TRIM71: variants seen among roughly 807,000 people sequenced by gnomAD.
The protein encoded by TRIM71 is E3 ubiquitin-protein ligase TRIM71.
A neutral mutation model predicts 61.2 loss-of-function variants in TRIM71; 9 were observed. The ratio of observed to expected loss-of-function variants is 0.15; its 90% CI spans 0.09 to 0.26. TRIM71 has a LOEUF of 0.26. TRIM71 is among the 10% of genes least tolerant of loss of function. TRIM71 has a pLI of 1.00. For missense variants in TRIM71, 998 were observed against 1,238.7 expected (o/e 0.81, Z 2.92); for synonymous variants, 645 against 553.2 (o/e 1.17, Z -2.33).
chr3:32,833,688 T>A (rs1696301461), intron 1 of TRIM71, among the ~76,000 whole-genome samples: 1 of 151,792 alleles, frequency 6.6e-6, no homozygotes, highest in South Asian at 2.1e-4. Context: ...TATTTTTGGC[T>A]CAGGCTAAAG....
At chr3:32,861,466 C>A (rs1696667462) in intron 1 of TRIM71, among the ~76,000 whole-genome samples, 1 of 151,554 alleles carries the variant, frequency 6.6e-6, no homozygotes, top group Non-Finnish European at 1.5e-5. Flanking sequence ...GGCGCGGTGG[C>A]TCACGCCTGT....
At chr3:32,865,518 C>G (rs1409975128) in intron 1 of TRIM71, among the ~76,000 whole-genome samples, 1 of 152,152 alleles carries the variant, frequency 6.6e-6, no homozygotes, top group Non-Finnish European at 1.5e-5. Flanking sequence ...TCTGCCAAAA[C>G]TGGTCGAAGG....
chr3:32,837,058 T>C (rs1311126658), intron 1 of TRIM71, among the ~76,000 whole-genome samples: 1 of 152,022 alleles, frequency 6.6e-6, no homozygotes, highest in Non-Finnish European at 1.5e-5. Flanking sequence ...AAGAAATAAG[T>C]AGTCACTATA....
intron 2 of TRIM71, among the ~76,000 whole-genome samples, chr3:32,875,404 T>G (rs1187045860): frequency 2.6e-5 from 4 of 152,206 alleles, no homozygotes; most frequent in Non-Finnish European, 5.9e-5. Flanking sequence ...AATCAGAAAA[T>G]TGTGACTTTT....
chr3:32,897,389 T>C lies in TRIM71; in HGVS notation c.*5578T>C, dbSNP rs1697090442. On this transcript the variant is annotated 3_prime_UTR_variant, in exon 4 of 4. Coordinates refer to ENST00000383763, the MANE Select transcript of TRIM71 (RefSeq NM_001039111.3). ...TCCGGGGTGGGGTGCTGACTGCCAT[T>C]TGCCACTTTTAAATGGGCACTGCCG... 6.6e-6 allele frequency: 1 copy of C among 152,132 alleles called. No individual in the cohort carries two copies. The highest frequency in any genetic ancestry group is 2.4e-5 in the African/African-American group (1 of 41,406). The allele number at this position is 152,132 out of a possible 1,614,324, so 9.4% of individuals were successfully genotyped here. A position where few individuals can be genotyped will look rare whatever the true frequency, so the allele number is the denominator to read the frequency against.
intron 1 of TRIM71, among the ~76,000 whole-genome samples, chr3:32,848,297 A>G (rs770844394): frequency 6.6e-6 from 1 of 152,218 alleles, no homozygotes; most frequent in Non-Finnish European, 1.5e-5. Context: ...ACCCCAGGGT[A>G]GTGTGCATTT....
Position 32,818,561 on chromosome 3 carries a change from T to C in TRIM71, c.481T>C (p.Ser161Pro). The part of the protein sequence containing the change: ...HHAHHAHPRA[S>P]ASAPPLPQAP... Reference sequence around the variant, plus strand: ...CGCTCACCACGCGCACCCGCGCGCGTCCGCCTCCGCGCCGCCACTCCCGCA... The same window carrying C: ...CGCTCACCACGCGCACCCGCGCGCGCCCGCCTCCGCGCCGCCACTCCCGCA... The change falls in exon 1 of 4, where the codon TCC becomes CCC. Residue 161 changes from serine to proline, a missense_variant. Around this residue, in one of 5 missense-constraint regions of TRIM71, gnomAD observed 527 missense variants for 427.8 expected, o/e 1.23. Transcript: ENST00000383763. 7.9e-7 allele frequency: 1 copy of C among 1,261,252 alleles called. No homozygotes were observed. The highest frequency in any genetic ancestry group is 9.9e-7 in the Non-Finnish European group (1 of 1,010,960). 78.1% of individuals were successfully genotyped at this position (1,261,252 alleles called of 1,614,324 possible).
chr3:32,824,854 G>A (rs1176105314), intron 1 of TRIM71, among the ~76,000 whole-genome samples: 1 of 152,062 alleles, frequency 6.6e-6, no homozygotes, highest in African/African-American at 2.4e-5. Context: ...GAGTTCAGTG[G>A]CGCGATCTTG....
chr3:32,830,694 G>A (rs1696260811), intron 1 of TRIM71, among the ~76,000 whole-genome samples: 1 of 152,186 alleles, frequency 6.6e-6, no homozygotes. Flanking sequence ...AATGAGTTAT[G>A]CAAGTTGGGT....
At chr3:32,826,841 C>T (rs942091613) in intron 1 of TRIM71, among the ~76,000 whole-genome samples, 5 of 152,022 alleles carry the variant, frequency 3.3e-5, no homozygotes, top group African/African-American at 4.8e-5. Context: ...CAGCTCACTG[C>T]AAGCTCTGCC....
chr3:32,859,521 G>A (rs1424884685), intron 1 of TRIM71, among the ~76,000 whole-genome samples: 1 of 152,220 alleles, frequency 6.6e-6, no homozygotes, highest in Non-Finnish European at 1.5e-5. Flanking sequence ...GCCTGCCAAA[G>A]TGTTGAGATT....
rs1000244178 is a variant in TRIM71 at position 32,892,644 on chromosome 3, C to T, written c.*833C>T. The T allele has an allele frequency of 6.6e-6, 1 of 152,086 alleles. No homozygotes were observed. Among genetic ancestry groups the T allele is most frequent in the Admixed American group, 6.5e-5 (1 of 15,282 alleles). The allele number at this position is 152,086 out of a possible 1,614,324, so 9.4% of individuals were successfully genotyped here. The stretch of plus-strand genomic sequence containing the variant: ...AAGCTGAAAATGACACACTGCCTCC[C>T]AAAGAACCTCTCCTTTTCACACTTT... On this transcript the variant is annotated 3_prime_UTR_variant, in exon 4 of 4. Coordinates refer to ENST00000383763, the MANE Select transcript of TRIM71 (RefSeq NM_001039111.3).
intron 1 of TRIM71, among the ~76,000 whole-genome samples, chr3:32,846,654 A>T (rs1057307070): frequency 6.4e-5 from 1 of 15,640 alleles, no homozygotes; most frequent in Non-Finnish European, 1.3e-4. Flanking sequence ...CCCTGCACCC[A>T]CCCCTGTCCC....
rs1697016630 is a variant in TRIM71, at chr3:32,890,808, T to C, written c.1604T>C (p.Leu535Pro). Reference protein sequence around the residue: ...SAVVLGPDGNLFGAEVSDQQN... With the variant: ...SAVVLGPDGNPFGAEVSDQQN... ...GTGGTCCTGGGCCCTGATGGCAACC[T>C]GTTTGGTGCAGAGGTGAGTGATCAG... is the stretch of plus-strand genomic sequence containing the variant. The change falls in exon 4 of 4, where the codon CTG becomes CCG. Residue 535 changes from leucine to proline, a missense_variant. Physicochemically the swap from Leu to Pro is moderately conservative, Grantham distance 98. Transcript: ENST00000383763. This position sits in a 1 kb window ranked among gnomAD's most constrained non-coding sequence, Gnocchi z 6.2. 4.3e-6 allele frequency: 7 copies of C among 1,614,164 alleles called. No individual in the cohort carries two copies. The highest frequency in any genetic ancestry group is 5.9e-6 in the Non-Finnish European group (7 of 1,180,036).
chr3:32,818,307 C>G lies in TRIM71; in HGVS notation c.227C>G (p.Pro76Arg), dbSNP rs992161563. The G allele has an allele frequency of 2.8e-6, 4 of 1,432,954 alleles. No individual in the cohort carries two copies. In the African/African-American group the frequency reaches 6.0e-5, roughly 21 times the overall value. 88.8% of individuals were successfully genotyped at this position (1,432,954 alleles called of 1,614,324 possible). A position where few individuals can be genotyped will look rare whatever the true frequency, so the allele number is the denominator to read the frequency against. ...CCCTGCCTCGAGGCGCACCGGCTGC[C>G]GGCGGCGGGCGGCGGCGCGGCGGGA... Reference protein sequence around the residue: ...CRPCLEAHRLPAAGGGAAGEP... With the variant: ...CRPCLEAHRLRAAGGGAAGEP... The change falls in exon 1 of 4, where the codon CCG (proline) becomes CGG (arginine). Residue 76 changes from proline to arginine, a missense_variant. By Grantham distance (103) the Pro-to-Arg change is moderately radical. Transcript: ENST00000383763.
chr3:32,833,915 A>G (rs1696304110), intron 1 of TRIM71, among the ~76,000 whole-genome samples: 1 of 152,132 alleles, frequency 6.6e-6, no homozygotes, highest in Non-Finnish European at 1.5e-5. Flanking sequence ...TTGTTTTTTA[A>G]TTCTTCATTT....
chr3:32,863,007 A>G (rs112315357), intron 1 of TRIM71, among the ~76,000 whole-genome samples: 3 of 152,284 alleles, frequency 2.0e-5, no homozygotes, highest in Non-Finnish European at 2.9e-5. Context: ...GTAGCAACCT[A>G]TTAGAAGTAA....
intron 2 of TRIM71, among the ~76,000 whole-genome samples, chr3:32,881,029 A>T (rs61143004): frequency 0.015 from 2,257 of 151,934 alleles, 44 homozygotes; most frequent in African/African-American, 0.043. Context: ...ATATATATAT[A>T]TTTTTTTGAG....
At chr3:32,852,182 G>T (rs929665244) in intron 1 of TRIM71, among the ~76,000 whole-genome samples, 7 of 152,166 alleles carry the variant, frequency 4.6e-5, no homozygotes, top group African/African-American at 1.7e-4. Context: ...TGGATTGTGG[G>T]GCCATGAATG....
Sources: gnomAD v4.1 joint callset for allele counts (sites outside exome capture counted in the v4.1 genomes callset) on GRCh38, gnomAD v4.1.1 for gene constraint, gnomAD v4.1.1 regional missense constraint, Gnocchi (gnomAD v3.1) non-coding constraint, MANE v1.5 for transcripts, NCBI Gene and HGNC (gene_info 2026-07-23, HGNC 2026-07-21) for gene names.